EHF: variants seen among roughly 807,000 people sequenced by gnomAD.
The protein encoded by EHF is ESE3 transcription factor.
A neutral mutation model predicts 45.1 loss-of-function variants in EHF; 14 were observed. The ratio of observed to expected loss-of-function variants is 0.31; its 90% CI spans 0.21 to 0.49. The LOEUF (loss-of-function observed/expected upper bound fraction) is 0.49. Among genes scored for constraint, EHF ranks in the 20% least tolerant of loss-of-function variants. EHF has a pLI of 0.99. For missense variants in EHF, 282 were observed against 371.4 expected, an observed-to-expected ratio of 0.76 and a Z score of 1.98; for synonymous variants, 136 against 131.8, an observed-to-expected ratio of 1.03 and a Z score of -0.22.
chr11:34,649,241 C>G (rs1233071546), intron 4 of EHF, among the ~76,000 whole-genome samples, 160 bp downstream of exon 4: 1 of 152,196 alleles, frequency 6.6e-6, no homozygotes, highest in African/African-American at 2.4e-5. Context: ...CCATGAATCT[C>G]ATTCTTGCCC....
rs184379716 is a variant in EHF, at chr11:34,659,598, A to T, written c.*667A>T. ...TACTCATTCAGGAATGGTTTATCTG[A>T]TGCCAGGGCTGTCTTCCTTTCTCCC... On this transcript the variant is annotated 3_prime_UTR_variant, in exon 9 of 9. Coordinates refer to ENST00000257831, the MANE Select transcript of EHF (RefSeq NM_012153.6). 7 of 152,322 alleles carry T rather than the reference A, an allele frequency of 4.6e-5. No individual in the cohort carries two copies. Among genetic ancestry groups the T allele is most frequent in the African/African-American group, 1.7e-4 (7 of 41,576 alleles). 9.4% of individuals were successfully genotyped at this position (152,322 alleles called of 1,614,324 possible).
intron 1 of EHF, among the ~76,000 whole-genome samples, chr11:34,628,049 A>G (rs1167745022): frequency 6.6e-6 from 1 of 152,192 alleles, no homozygotes; most frequent in Admixed American, 6.5e-5. Flanking sequence ...TTACAAAAAC[A>G]GCCAGTCTGG....
intron 1 of EHF, among the ~76,000 whole-genome samples, chr11:34,627,671 T>C (rs1372594468): frequency 2.0e-5 from 3 of 152,188 alleles, no homozygotes; most frequent in African/African-American, 7.2e-5. Context: ...AAGTAGTTCT[T>C]ATTATTAGTA....
intron 6 of EHF, among the ~76,000 whole-genome samples, chr11:34,652,593 A>G (rs886297893): frequency 1.3e-5 from 2 of 152,172 alleles, no homozygotes; most frequent in African/African-American, 4.8e-5. Context: ...GAACTTGTGG[A>G]TCTCTTTGGG....
At chr11:34,637,237 C>A (rs1853519098) in intron 1 of EHF, among the ~76,000 whole-genome samples, 1 of 152,084 alleles carries the variant, frequency 6.6e-6, no homozygotes, top group African/African-American at 2.4e-5. Flanking sequence ...GTGCTCTGTT[C>A]CCCCTGCTCC....
At position 34,659,103 on chromosome 11, in the gene EHF, T is replaced by C; in HGVS notation, c.*172T>C. ...AAACACTACGGTCGATTAAAAAAAT[T>C]ATTTTGTTACTTCGAAGTATGTCCT... On this transcript the variant is annotated 3_prime_UTR_variant, in exon 9 of 9. Transcript: ENST00000257831. The C allele has an allele frequency of 3.6e-6, 2 of 560,386 alleles. No individual in the cohort carries two copies. The highest frequency in any genetic ancestry group is 6.2e-6 in the Non-Finnish European group (2 of 324,844). The allele number at this position is 560,386 out of a possible 1,614,324, so 34.7% of individuals were successfully genotyped here. A position where few individuals can be genotyped will look rare whatever the true frequency, so the allele number is the denominator to read the frequency against.
At chr11:34,638,854 G>C (rs1853706978) in intron 1 of EHF, among the ~76,000 whole-genome samples, 1 of 152,112 alleles carries the variant, frequency 6.6e-6, no homozygotes, top group Admixed American at 6.5e-5. Flanking sequence ...TGACTCCCAG[G>C]GTGGAGTCAT....
At chr11:34,652,224 C>T (rs1200619447) in intron 6 of EHF, among the ~76,000 whole-genome samples, 1 of 152,152 alleles carries the variant, frequency 6.6e-6, no homozygotes, top group African/African-American at 2.4e-5. Flanking sequence ...GGTCCGTGAA[C>T]CTGTAGTGAT....
intron 1 of EHF, among the ~76,000 whole-genome samples, chr11:34,634,340 G>A (rs930170229): frequency 1.3e-5 from 2 of 152,222 alleles, no homozygotes; most frequent in African/African-American, 4.8e-5. Flanking sequence ...TGTGGGTATC[G>A]CTGTCATCAC....
chr11:34,638,851 C>T (rs1331141001), intron 1 of EHF, among the ~76,000 whole-genome samples: 3 of 152,146 alleles, frequency 2.0e-5, no homozygotes, highest in Non-Finnish European at 2.9e-5. Context: ...TTTTGACTCC[C>T]AGGGTGGAGT....
intron 1 of EHF, among the ~76,000 whole-genome samples, chr11:34,639,833 T>C (rs1181513704): frequency 1.3e-5 from 2 of 152,172 alleles, no homozygotes. Context: ...GCCATCTTTT[T>C]GCAGGAGGAT....
At chr11:34,632,222 A>G (rs904003960) in intron 1 of EHF, among the ~76,000 whole-genome samples, 4 of 152,188 alleles carry the variant, frequency 2.6e-5, no homozygotes, top group African/African-American at 9.7e-5. Context: ...CCTACAAATC[A>G]ATGCTTAACT....
intron 7 of EHF, 89 bp from the exon 8 acceptor site, chr11:34,658,444 T>C (rs1590559990): frequency 9.0e-7 from 1 of 1,116,038 alleles, no homozygotes; most frequent in East Asian, 2.4e-5. Context: ...TATCTCCTAC[T>C]TGCAGGAAGA....
intron 1 of EHF, chr11:34,624,156 A>G (rs1852171424): frequency 4.8e-6 from 2 of 413,584 alleles, no homozygotes; most frequent in Non-Finnish European, 6.5e-6. Flanking sequence ...TCTCTTGTTA[A>G]GATCGCTCTC....
At chr11:34,635,279 A>T (rs1853273322) in intron 1 of EHF, among the ~76,000 whole-genome samples, 1 of 151,898 alleles carries the variant, frequency 6.6e-6, no homozygotes, top group Admixed American at 6.6e-5. Context: ...TTCGCTCTGT[A>T]TATTTAAGAA....
intron 7 of EHF, 69 bp from the exon 8 acceptor site, chr11:34,658,464 T>C: frequency 1.5e-6 from 2 of 1,374,546 alleles, no homozygotes; most frequent in Non-Finnish European, 2.0e-6. Context: ...ATGACCTAAC[T>C]CAATGCTCTC....
chr11:34,646,571 A>T lies in EHF; in HGVS notation c.230A>T (p.Glu77Val). 6.2e-7 allele frequency: 1 copy of T among 1,613,720 alleles called. No individual in the cohort carries two copies. Among genetic ancestry groups the T allele is most frequent in the Non-Finnish European group, 8.5e-7 (1 of 1,179,814 alleles). ...QLDANCIPFQ[E>V]FDINGEHLCS... is the part of the protein sequence containing the mutation. The stretch of plus-strand genomic sequence containing the variant: ...GATGCCAATTGTATCCCTTTCCAAG[A>T]GTTCGACATCAACGGCGAGCACCTC... The change falls in exon 3 of 9, where the codon GAG becomes GTG. Residue 77 changes from glutamate to valine, a missense_variant. Glu to Val is a moderately radical substitution (Grantham distance 121, BLOSUM62 -2). This residue lies in a region of EHF where 213 missense variants were observed against 247.3 expected (regional missense o/e 0.86). Transcript: ENST00000257831.
chr11:34,635,946 C>T, intron 1 of EHF, among the ~76,000 whole-genome samples: 1 of 152,036 alleles, frequency 6.6e-6, no homozygotes, highest in East Asian at 1.9e-4. Context: ...TATAGTTCAG[C>T]CATAATGGTA....
chr11:34,656,904 T>G lies in EHF; in HGVS notation c.545-4T>G. ...AATTAAACGCCTCTCATTTTTCTCC[T>G]TAGCAGAGTCACCTGATATGAAAAA... On this transcript the variant is annotated splice_polypyrimidine_tract_variant and splice_region_variant and intron_variant, in intron 6 of 8. Transcript: ENST00000257831. 1 of 1,613,444 alleles carries G rather than the reference T, an allele frequency of 6.2e-7. No individual in the cohort carries two copies. The highest frequency in any genetic ancestry group is 1.3e-5 in the African/African-American group (1 of 75,026).
Sources: allele counts gnomAD v4.1 joint callset (sites outside exome capture counted in the v4.1 genomes callset), GRCh38; gene constraint gnomAD v4.1.1; regional missense constraint gnomAD v4.1.1; transcripts MANE v1.5; gene names NCBI Gene and HGNC (gene_info 2026-07-23, HGNC 2026-07-21).